Variants in CADM2 observed in about 807,000 individuals in gnomAD.
The protein encoded by CADM2 is cell adhesion molecule 2.
In CADM2, 12 loss-of-function variants were observed where a neutral mutation model predicts 49.8. The ratio of observed to expected loss-of-function variants is 0.24; its 90% CI spans 0.15 to 0.39. The LOEUF (loss-of-function observed/expected upper bound fraction) is 0.39, where lower values mean the gene tolerates loss of function less well. CADM2 is among the 10% of genes least tolerant of loss of function. The pLI, the probability that CADM2 is intolerant of heterozygous loss-of-function variation, is 1.00. For synonymous variants in CADM2, 214 were observed against 175.4 expected (o/e 1.22, Z -1.74); for missense variants, 378 against 492.3 (o/e 0.77, Z 2.20).
chr3:85,386,898 G>C (rs1217899550), intron 1 of CADM2, among the ~76,000 whole-genome samples: 1 of 152,086 alleles, frequency 6.6e-6, no homozygotes, highest in Non-Finnish European at 1.5e-5. Flanking sequence ...CTCATATGTG[G>C]AATATTCTCA....
chr3:85,597,909 T>C (rs1397070525), intron 1 of CADM2, among the ~76,000 whole-genome samples: 2 of 152,050 alleles, frequency 1.3e-5, no homozygotes, highest in Non-Finnish European at 2.9e-5. Flanking sequence ...TTTTGGAAAA[T>C]GTGATTAAAT....
At chr3:85,109,802 C>A (rs147818841) in intron 1 of CADM2, among the ~76,000 whole-genome samples, 1 of 152,050 alleles carries the variant, frequency 6.6e-6, no homozygotes, top group Non-Finnish European at 1.5e-5. Flanking sequence ...TATTGGTTCA[C>A]CATGTATAAT....
At chr3:85,660,359 T>G (rs991547055) in intron 1 of CADM2, among the ~76,000 whole-genome samples, 3 of 151,968 alleles carry the variant, frequency 2.0e-5, no homozygotes, top group African/African-American at 7.2e-5. Context: ...GAACAGCAGA[T>G]AGTCTACAAC....
intron 1 of CADM2, among the ~76,000 whole-genome samples, chr3:85,266,268 C>A (rs1455108987): frequency 6.6e-6 from 1 of 151,830 alleles, no homozygotes; most frequent in Non-Finnish European, 1.5e-5. Flanking sequence ...ATACTACTCT[C>A]ACCTGAAATT....
chr3:85,526,151 G>GA (rs34107103), intron 1 of CADM2, among the ~76,000 whole-genome samples: 90,380 of 151,792 alleles, frequency 0.6, 28,356 homozygotes, highest in East Asian at 0.93. Flanking sequence ...TAGTAAATTG[G>GA]AAATTTTATA....
intron 1 of CADM2, among the ~76,000 whole-genome samples, chr3:85,683,774 A>T (rs1165224068): frequency 6.6e-6 from 1 of 152,220 alleles, no homozygotes; most frequent in African/African-American, 2.4e-5. Context: ...AAAACAGTGC[A>T]AACAGTGGAA....
intron 1 of CADM2, among the ~76,000 whole-genome samples, chr3:85,042,986 T>G (rs1168879972): frequency 6.6e-6 from 1 of 152,094 alleles, no homozygotes; most frequent in Admixed American, 6.6e-5. Context: ...CGTATTATAC[T>G]TTTTAGACAA....
intron 1 of CADM2, among the ~76,000 whole-genome samples, chr3:85,061,662 CT>C (rs35624757): frequency 3.9e-5 from 6 of 152,008 alleles, no homozygotes; most frequent in Non-Finnish European, 7.4e-5. Flanking sequence ...TTATTTACTC[CT>C]TTTTTCATGC....
At chr3:85,111,041 A>C (rs542682608) in intron 1 of CADM2, among the ~76,000 whole-genome samples, 1 of 152,012 alleles carries the variant, frequency 6.6e-6, no homozygotes, top group Non-Finnish European at 1.5e-5. Flanking sequence ...GTACATGAAT[A>C]ATGTAACCTA....
intron 1 of CADM2, among the ~76,000 whole-genome samples, chr3:85,126,163 T>C (rs547547780): frequency 6.6e-6 from 1 of 152,298 alleles, no homozygotes; most frequent in South Asian, 2.1e-4. Context: ...ACCTCTACTT[T>C]TGATAAGAGC....
chr3:86,013,959 G>A, intron 8 of CADM2: 8 of 1,542,994 alleles, frequency 5.2e-6, no homozygotes, highest in Non-Finnish European at 7.1e-6. Flanking sequence ...ATCAGTACCT[G>A]TTATGGGAGT....
Position 85,188,948 on chromosome 3 carries a change from G to A in CADM2, c.61+229280G>A, listed in dbSNP as rs1198602166. ...CGGGAGGCTGAGGCAGGCGAATGGCGTGAACCTGGGAGGAGGAGCTTGCAG... is the reference window on the plus strand; with the variant it reads ...CGGGAGGCTGAGGCAGGCGAATGGCATGAACCTGGGAGGAGGAGCTTGCAG... On this transcript the variant is annotated intron_variant, in intron 1 of 9. Coordinates refer to ENST00000383699, the MANE Select transcript of CADM2 (RefSeq NM_001167675.2). Among the ~76,000 whole-genome samples, 6 of 151,770 alleles carry A rather than the reference G, an allele frequency of 4.0e-5. No homozygotes were observed. In the East Asian group the frequency reaches 7.8e-4, roughly 20 times the overall value.
At chr3:85,709,556 G>A (rs2067052854) in intron 1 of CADM2, among the ~76,000 whole-genome samples, 1 of 152,116 alleles carries the variant, frequency 6.6e-6, no homozygotes, top group East Asian at 1.9e-4. Context: ...TCAAATTACT[G>A]TTCTGAGAGC....
intron 1 of CADM2, among the ~76,000 whole-genome samples, chr3:85,558,339 ATACTAAG>A: frequency 6.6e-6 from 1 of 152,190 alleles, no homozygotes; most frequent in East Asian, 1.9e-4. Context: ...TTTGCAGCAA[ATACTAAG>A]TACCTTATTT....
At chr3:85,535,181 T>A (rs919783804) in intron 1 of CADM2, among the ~76,000 whole-genome samples, 1 of 152,104 alleles carries the variant, frequency 6.6e-6, no homozygotes, top group Non-Finnish European at 1.5e-5. Flanking sequence ...ATTTCTTACC[T>A]TATTTAAATC....
chr3:85,071,617 G>C (rs1274512083), intron 1 of CADM2, among the ~76,000 whole-genome samples: 1 of 151,982 alleles, frequency 6.6e-6, no homozygotes, highest in Non-Finnish European at 1.5e-5. Flanking sequence ...TTGTTTCATT[G>C]TGATGAATAT....
At chr3:86,048,483 T>C (rs1243105778) in intron 8 of CADM2, among the ~76,000 whole-genome samples, 3 of 152,066 alleles carry the variant, frequency 2.0e-5, no homozygotes, top group Non-Finnish European at 4.4e-5. Context: ...ATGATATTAA[T>C]GGCTATTACT....
intron 1 of CADM2, among the ~76,000 whole-genome samples, chr3:85,199,926 A>C (rs1160117177): frequency 6.6e-6 from 1 of 152,090 alleles, no homozygotes; most frequent in Non-Finnish European, 1.5e-5. Flanking sequence ...ACTGTATCTT[A>C]TCTGTGAAAT....
At chr3:85,797,242 T>A (rs1054112327) in intron 2 of CADM2, among the ~76,000 whole-genome samples, 1 of 152,112 alleles carries the variant, frequency 6.6e-6, no homozygotes, top group Non-Finnish European at 1.5e-5. Flanking sequence ...ATAGAAACCA[T>A]CTGAGTTTTA....
Sources: allele counts gnomAD v4.1 joint callset (sites outside exome capture counted in the v4.1 genomes callset), GRCh38; gene constraint gnomAD v4.1.1; transcripts MANE v1.5; gene names NCBI Gene and HGNC (gene_info 2026-07-23, HGNC 2026-07-21).